OLFM3: variants seen among roughly 807,000 people sequenced by gnomAD.
The protein encoded by OLFM3 is noelin-3.
Under a neutral mutation model 48.6 loss-of-function variants are expected in OLFM3, and 20 were observed. The ratio of observed to expected loss-of-function variants is 0.41; its 90% CI spans 0.29 to 0.60. The LOEUF (loss-of-function observed/expected upper bound fraction) is 0.60. Ranked by LOEUF, OLFM3 falls within the 20% of genes least tolerant of loss-of-function variation. OLFM3 has a pLI of 0.28. For missense variants in OLFM3, 437 were observed against 544.3 expected, an observed-to-expected ratio of 0.80 and a Z score of 1.96; for synonymous variants, 222 against 198.1, an observed-to-expected ratio of 1.12 and a Z score of -1.01.
intron 1 of OLFM3, among the ~76,000 whole-genome samples, chr1:101,917,974 G>A (rs188963634): frequency 1.1e-4 from 17 of 151,940 alleles, no homozygotes; most frequent in Non-Finnish European, 2.4e-4. Context: ...TATTTATTCT[G>A]GAAAGAACAT....
intron 1 of OLFM3, 61 bp from the exon 2 acceptor site, chr1:101,837,086 G>T (rs1425237366): frequency 1.3e-6 from 2 of 1,482,154 alleles, no homozygotes; most frequent in East Asian, 2.3e-5. Context: ...AAAGAGTGTT[G>T]GTTTGTAGCA....
At chr1:101,991,016 A>AAAAATAAAT (rs1553186119) in intron 1 of OLFM3, among the ~76,000 whole-genome samples, 1 of 32,200 alleles carries the variant, frequency 3.1e-5, no homozygotes, top group Non-Finnish European at 5.2e-5. Context: ...AAAAAAAAAA[A>AAAAATAAAT]ATATATATAT....
At chr1:101,863,001 T>C (rs1165523202) in intron 1 of OLFM3, among the ~76,000 whole-genome samples, 1 of 152,038 alleles carries the variant, frequency 6.6e-6, no homozygotes, top group African/African-American at 2.4e-5. Flanking sequence ...TAGTTTTTTT[T>C]TTTTTTTGAG....
intron 1 of OLFM3, among the ~76,000 whole-genome samples, chr1:101,844,238 CT>C (rs1379685078): frequency 1.3e-5 from 2 of 152,062 alleles, no homozygotes; most frequent in African/African-American, 4.8e-5. Context: ...AATGCAAAAC[CT>C]TTGGGAATGG....
At chr1:101,860,538 C>T (rs1656609566) in intron 1 of OLFM3, among the ~76,000 whole-genome samples, 1 of 151,892 alleles carries the variant, frequency 6.6e-6, no homozygotes, top group African/African-American at 2.4e-5. Context: ...ATATCATTGT[C>T]TTTTGAGGAG....
intron 1 of OLFM3, among the ~76,000 whole-genome samples, chr1:101,958,825 C>G (rs144788663): frequency 9.9e-6 from 1 of 101,472 alleles, no homozygotes; most frequent in Non-Finnish European, 2.0e-5. Context: ...TTATGGTATA[C>G]AAAGTGATAT....
At chr1:101,899,022 A>G (rs112482527) in intron 1 of OLFM3, among the ~76,000 whole-genome samples, 2,099 of 152,298 alleles carry the variant, frequency 0.014, 47 homozygotes, top group African/African-American at 0.047. Context: ...AAAGTACCCC[A>G]AAACTTATTT....
intron 1 of OLFM3, among the ~76,000 whole-genome samples, chr1:101,940,090 GTAAT>G (rs1659740650): frequency 1.3e-5 from 2 of 152,234 alleles, no homozygotes; most frequent in African/African-American, 4.8e-5. Flanking sequence ...CAGTAGGAGT[GTAAT>G]AGACATAGTC....
chr1:101,827,957 G>T (rs750025568), intron 3 of OLFM3, among the ~76,000 whole-genome samples: 27 of 152,238 alleles, frequency 1.8e-4, no homozygotes, highest in Non-Finnish European at 3.1e-4. Flanking sequence ...CTGATACTGA[G>T]TGAGTTCTCA....
At chr1:101,991,018 T>TAAAAAA (rs1661391335) in intron 1 of OLFM3, among the ~76,000 whole-genome samples, 1 of 34,556 alleles carries the variant, frequency 2.9e-5, no homozygotes, top group Non-Finnish European at 5.4e-5. Context: ...AAAAAAAAAA[T>TAAAAAA]ATATATATAT....
chr1:101,828,101 T>TGAC (rs1186744514), intron 3 of OLFM3, among the ~76,000 whole-genome samples: 1 of 144,270 alleles, frequency 6.9e-6, no homozygotes, highest in Admixed American at 7.0e-5. Flanking sequence ...GTGAAGAAGG[T>TGAC]GACTGCTTCC....
At chr1:101,893,562 C>G (rs1369434255) in intron 1 of OLFM3, 1 of 269,732 alleles carries the variant, frequency 3.7e-6, no homozygotes, top group East Asian at 9.7e-5. Context: ...TGCATTAGAT[C>G]AGAAGGACCA....
chr1:101,973,109 A>T (rs540297379), intron 1 of OLFM3, among the ~76,000 whole-genome samples: 1 of 152,372 alleles, frequency 6.6e-6, no homozygotes, highest in East Asian at 1.9e-4. Context: ...ACCAATAGGT[A>T]TATATAGATA....
chr1:101,824,523 G>A (rs1195653308), intron 4 of OLFM3, among the ~76,000 whole-genome samples: 2 of 152,164 alleles, frequency 1.3e-5, no homozygotes, highest in Non-Finnish European at 2.9e-5. Context: ...GTAGATCAGA[G>A]CAGTTGATGG....
intron 1 of OLFM3, among the ~76,000 whole-genome samples, chr1:101,977,109 C>T (rs12028759): frequency 0.2 from 30,980 of 151,988 alleles, 4,044 homozygotes; most frequent in Middle Eastern, 0.32. Flanking sequence ...ATGAGTCTTA[C>T]CAATTTTTCA....
At chr1:101,805,147 T>C (rs1264806126) in intron 5 of OLFM3, among the ~76,000 whole-genome samples, 2 of 151,848 alleles carry the variant, frequency 1.3e-5, no homozygotes, top group African/African-American at 4.8e-5. Context: ...AATTTGCTTT[T>C]TTGCTTTTTC....
intron 1 of OLFM3, among the ~76,000 whole-genome samples, chr1:101,912,101 A>G (rs1418314578): frequency 2.6e-5 from 4 of 152,158 alleles, no homozygotes; most frequent in African/African-American, 9.7e-5. Flanking sequence ...CTTGGCCCAC[A>G]TGCTTATTCT....
At chr1:101,948,884 TATAG>T (rs1375230815) in intron 1 of OLFM3, among the ~76,000 whole-genome samples, 1 of 148,028 alleles carries the variant, frequency 6.8e-6, no homozygotes, top group Non-Finnish European at 1.5e-5. Flanking sequence ...TTTTTATTGT[TATAG>T]ATATATATTT....
chr1:101,939,400 G>A (rs1659720797), intron 1 of OLFM3, among the ~76,000 whole-genome samples: 1 of 151,946 alleles, frequency 6.6e-6, no homozygotes, highest in Non-Finnish European at 1.5e-5. Context: ...GCTCATTAGT[G>A]GTCAGATGTG....
Sources: gnomAD v4.1 joint callset for allele counts (sites outside exome capture counted in the v4.1 genomes callset) on GRCh38, gnomAD v4.1.1 for gene constraint, MANE v1.5 for transcripts, NCBI Gene and HGNC (gene_info 2026-07-23, HGNC 2026-07-21) for gene names.